The following BNC2 variants were observed in gnomAD, a reference collection of about 807,000 sequenced individuals.
BNC2 encodes zinc finger protein basonuclin-2.
In BNC2, 20 loss-of-function variants were observed where a neutral mutation model predicts 76.3. The observed-to-expected ratio is 0.26, with a 90% CI of 0.18 to 0.38. The LOEUF (loss-of-function observed/expected upper bound fraction) is 0.38, where lower values mean the gene tolerates loss of function less well. Ranked by LOEUF, BNC2 falls within the 10% of genes least tolerant of loss-of-function variation. BNC2 has a pLI of 1.00. For missense variants in BNC2, 1,382 were observed against 1,399.8 expected, an observed-to-expected ratio of 0.99 and a Z score of 0.20; for synonymous variants, 582 against 514.8, an observed-to-expected ratio of 1.13 and a Z score of -1.77.
intron 3 of BNC2, among the ~76,000 whole-genome samples, chr9:16,636,863 A>T (rs1821343574): frequency 6.6e-6 from 1 of 152,160 alleles, no homozygotes; most frequent in African/African-American, 2.4e-5. Flanking sequence ...ATAAACTAGA[A>T]GAGTGTTCAT....
intron 5 of BNC2, among the ~76,000 whole-genome samples, chr9:16,485,452 T>C (rs1587083944): frequency 6.6e-6 from 1 of 152,122 alleles, no homozygotes. Flanking sequence ...GCCAAATCCA[T>C]CACCCAGCCA....
intron 1 of BNC2, among the ~76,000 whole-genome samples, chr9:16,826,873 A>AT (rs1818463768): frequency 6.6e-6 from 1 of 152,198 alleles, no homozygotes; most frequent in African/African-American, 2.4e-5. Context: ...AGCTATCTAA[A>AT]TAAGAAAAAA....
At position 16,419,145 on chromosome 9, in the gene BNC2, C is replaced by T; in HGVS notation, c.3144G>A (p.Gly1048=). ...CAGTTTTGTAGTGCACTCTCAGGGT[C>T]CCCTTGTTGCTGTACATTTTGTGGC... ...NICHKMYSNK[G]TLRVHYKTVH... Residue 1048 remains glycine (G), a synonymous_variant, in exon 7 of 7, where the codon GGG becomes GGA. Coordinates refer to ENST00000380672, the MANE Select transcript of BNC2 (RefSeq NM_017637.6). 6.2e-7 allele frequency: 1 copy of T among 1,614,180 alleles called. No individual in the cohort carries two copies. Among genetic ancestry groups the T allele is most frequent in the African/African-American group, 1.3e-5 (1 of 75,056 alleles).
intron 3 of BNC2, among the ~76,000 whole-genome samples, chr9:16,719,180 C>G (rs1267925412): frequency 6.6e-6 from 1 of 152,084 alleles, no homozygotes; most frequent in Non-Finnish European, 1.5e-5. Flanking sequence ...AATTACTCCC[C>G]ATATCTTGCC....
intron 3 of BNC2, among the ~76,000 whole-genome samples, chr9:16,596,087 A>G (rs556808075): frequency 1.3e-5 from 2 of 152,232 alleles, no homozygotes; most frequent in South Asian, 4.1e-4. Flanking sequence ...GAACTCAAGA[A>G]TCACTCCATC....
At chr9:16,515,657 T>C (rs993713351) in intron 5 of BNC2, among the ~76,000 whole-genome samples, 3 of 149,742 alleles carry the variant, frequency 2.0e-5, no homozygotes, top group Admixed American at 1.3e-4. Context: ...CTTGATCCAG[T>C]ACACATTCTC....
intron 1 of BNC2, among the ~76,000 whole-genome samples, chr9:16,773,968 T>TTTTTG (rs370341139): frequency 9.3e-4 from 141 of 152,156 alleles, no homozygotes; most frequent in Middle Eastern, 6.8e-3. Flanking sequence ...ACAGTATGTT[T>TTTTTG]TTTTGTTTTG....
At chr9:16,639,616 A>C (rs1821428817) in intron 3 of BNC2, among the ~76,000 whole-genome samples, 1 of 152,026 alleles carries the variant, frequency 6.6e-6, no homozygotes, top group Non-Finnish European at 1.5e-5. Context: ...GTGAAAACAC[A>C]GGAAAAAAAA....
At chr9:16,701,189 T>G (rs1177695988) in intron 3 of BNC2, among the ~76,000 whole-genome samples, 1 of 152,166 alleles carries the variant, frequency 6.6e-6, no homozygotes, top group African/African-American at 2.4e-5. Flanking sequence ...CAACTCTGAT[T>G]TTTATCAGTT....
chr9:16,558,560 G>T (rs1041021842), intron 4 of BNC2, among the ~76,000 whole-genome samples: 1 of 152,102 alleles, frequency 6.6e-6, no homozygotes, highest in African/African-American at 2.4e-5. Flanking sequence ...CTGTCTACTT[G>T]AAGTCACATT....
At chr9:16,693,340 C>T (rs936126489) in intron 3 of BNC2, among the ~76,000 whole-genome samples, 1 of 152,060 alleles carries the variant, frequency 6.6e-6, no homozygotes, top group Non-Finnish European at 1.5e-5. Context: ...AAGAACCCAA[C>T]CCTCTGGGGG....
chr9:16,516,313 CT>C (rs780546945), intron 5 of BNC2, among the ~76,000 whole-genome samples: 12 of 151,656 alleles, frequency 7.9e-5, no homozygotes, highest in Admixed American at 1.3e-4. Context: ...GGTATCAGAA[CT>C]CTGAGAAGCG....
At chr9:16,534,327 C>G (rs1440249818) in intron 5 of BNC2, among the ~76,000 whole-genome samples, 1 of 152,134 alleles carries the variant, frequency 6.6e-6, no homozygotes, top group African/African-American at 2.4e-5. Flanking sequence ...GAATGGACAT[C>G]TAACTGTGCA....
At chr9:16,591,422 C>T (rs1015811162) in intron 3 of BNC2, among the ~76,000 whole-genome samples, 9 of 152,246 alleles carry the variant, frequency 5.9e-5, no homozygotes, top group Middle Eastern at 6.8e-3. Context: ...AAAAGATCTA[C>T]GGTTTTAAAC....
At chr9:16,555,122 C>G (rs1563837347) in intron 4 of BNC2, among the ~76,000 whole-genome samples, 1 of 152,088 alleles carries the variant, frequency 6.6e-6, no homozygotes, top group Non-Finnish European at 1.5e-5. Context: ...CAGTTTCACG[C>G]CATTCTCCTG....
intron 5 of BNC2, among the ~76,000 whole-genome samples, chr9:16,511,718 A>G (rs922905000): frequency 5.5e-4 from 83 of 152,164 alleles, no homozygotes; most frequent in African/African-American, 2.0e-3. Flanking sequence ...CGTGAGACAC[A>G]CTGCACCTGG....
chr9:16,620,542 G>A (rs1587243385), intron 3 of BNC2, among the ~76,000 whole-genome samples: 1 of 152,092 alleles, frequency 6.6e-6, no homozygotes, highest in Non-Finnish European at 1.5e-5. Context: ...AGTAGCTACT[G>A]AAACTTCTAC....
In BNC2 at chr9:16,412,832, A is replaced by G. The variant is rs1820502079; in HGVS notation, c.*6157T>C. On this transcript the variant is annotated 3_prime_UTR_variant, in exon 7 of 7. Coordinates refer to ENST00000380672, the MANE Select transcript of BNC2 (RefSeq NM_017637.6). ...TGGGAAAGCCTAGCCCTTGTAGTCA[A>G]TTTCTCCTTCACAAGGGGATAAACA... 1 of 151,470 alleles carries G rather than the reference A, an allele frequency of 6.6e-6. No homozygotes were observed. Among genetic ancestry groups the G allele is most frequent in the South Asian group, 2.1e-4 (1 of 4,790 alleles). The allele number at this position is 151,470 out of a possible 1,614,324, so 9.4% of individuals were successfully genotyped here.
intron 5 of BNC2, among the ~76,000 whole-genome samples, chr9:16,546,328 C>A (rs1053638119): frequency 6.6e-6 from 1 of 152,168 alleles, no homozygotes; most frequent in Non-Finnish European, 1.5e-5. Flanking sequence ...GCAAAGTCTT[C>A]CAGATTTAAC....
Sources: allele counts gnomAD v4.1 joint callset (sites outside exome capture counted in the v4.1 genomes callset), GRCh38; gene constraint gnomAD v4.1.1; transcripts MANE v1.5; gene names NCBI Gene and HGNC (gene_info 2026-07-23, HGNC 2026-07-21).